The following CALN1 variants were observed in gnomAD, a reference collection of about 807,000 sequenced individuals.
CALN1 encodes calcium-binding protein 8.
In CALN1, 17 loss-of-function variants were observed where a neutral mutation model predicts 30.6. That is an observed-to-expected ratio of 0.56 (90% CI 0.38 to 0.83). The LOEUF (loss-of-function observed/expected upper bound fraction) is 0.83, where lower values mean the gene tolerates loss of function less well. Ranked by LOEUF, CALN1 falls within the 40% of genes least tolerant of loss-of-function variation. CALN1 has a pLI of 0.00. For missense variants in CALN1, 291 were observed against 354.9 expected, an observed-to-expected ratio of 0.82 and a Z score of 1.45; for synonymous variants, 156 against 131.4, an observed-to-expected ratio of 1.19 and a Z score of -1.28.
the CALN1 span, among the ~76,000 whole-genome samples, chr7:72,501,928 A>AAAAAT: frequency 2.6e-3 from 152 of 57,930 alleles, 5 homozygotes; most frequent in African/African-American, 8.6e-3. Context: ...AAAAAAAAAA[A>AAAAAT]ATATATATAT....
At chr7:72,168,233 C>CA (rs61366296) in intron 3 of CALN1, among the ~76,000 whole-genome samples, 82 of 140,752 alleles carry the variant, frequency 5.8e-4, no homozygotes, top group Admixed American at 7.7e-4. Flanking sequence ...TGCAAACAAG[C>CA]AAAAAAAAAA....
rs544395395 is a variant in CALN1 at position 72,278,306 on chromosome 7, A to C, written c.244+380T>G. ...TTAACAGGGCTTAAACCTCCCCTGC[A>C]GATGGACTCCATTGTCAGTGACAAC... On this transcript the variant is annotated intron_variant, in intron 3 of 6. Coordinates refer to ENST00000395275, the MANE Select transcript of CALN1 (RefSeq NM_031468.4). 7.2e-5 allele frequency among the ~76,000 whole-genome samples: 11 copies of C among 152,310 alleles called. No individual in the cohort carries two copies. The South Asian group carries it at 2.3e-3, about 32-fold the overall frequency.
At chr7:72,219,346 C>G (rs181409365) in intron 3 of CALN1, among the ~76,000 whole-genome samples, 2 of 152,270 alleles carry the variant, frequency 1.3e-5, no homozygotes, top group Admixed American at 1.3e-4. Context: ...CAACTTCAGC[C>G]TAATGAGCAG....
chr7:72,093,626 G>A (rs10950295), intron 4 of CALN1, among the ~76,000 whole-genome samples: 1 of 152,060 alleles, frequency 6.6e-6, no homozygotes, highest in African/African-American at 2.4e-5. Flanking sequence ...TGGTAACGAT[G>A]ATGACTACCA....
chr7:72,142,689 C>T (rs887761518), intron 3 of CALN1, among the ~76,000 whole-genome samples: 12 of 152,180 alleles, frequency 7.9e-5, no homozygotes, highest in African/African-American at 2.9e-4. Context: ...CAAGTGGGTC[C>T]TTGACCCCCG....
At chr7:72,460,412 A>C in the CALN1 span, among the ~76,000 whole-genome samples, 3 of 152,170 alleles carry the variant, frequency 2.0e-5, no homozygotes, top group South Asian at 4.2e-4. Context: ...TGGGTGGATA[A>C]CCTGAGGTCA....
At chr7:71,968,448 C>T (rs4719198) in intron 5 of CALN1, among the ~76,000 whole-genome samples, 32,318 of 151,860 alleles carry the variant, frequency 0.21, 5,303 homozygotes, top group African/African-American at 0.44. Flanking sequence ...CTTTTATTTT[C>T]GAGATGAAGT....
Position 72,298,832 on chromosome 7 carries a change from C to A in CALN1, c.120-20022G>T, listed in dbSNP as rs530530062. Among the ~76,000 whole-genome samples the A allele has an allele frequency of 5.3e-5, 8 of 150,194 alleles. No homozygotes were observed. In the Admixed American group the frequency reaches 5.3e-4, roughly 10 times the overall value. ...AAAAAAAAAAAAGAGGGGAGGGGTG[C>A]GGAGTTTCCCTGCACAAACTCTGCT... On this transcript the variant is annotated intron_variant, in intron 2 of 6. Transcript: ENST00000395275.
intron 2 of CALN1, among the ~76,000 whole-genome samples, chr7:72,343,301 T>C (rs1802467869): frequency 6.6e-6 from 1 of 152,138 alleles, no homozygotes; most frequent in South Asian, 2.1e-4. Context: ...CTCACGCCTG[T>C]AATCCCAGGC....
intron 3 of CALN1, among the ~76,000 whole-genome samples, chr7:72,202,461 C>T (rs1331257483): frequency 6.6e-6 from 1 of 152,160 alleles, no homozygotes; most frequent in Non-Finnish European, 1.5e-5. Flanking sequence ...GAGATCCTCA[C>T]ATAGACATAT....
At chr7:72,467,476 G>A in the CALN1 span, among the ~76,000 whole-genome samples, 9 of 152,108 alleles carry the variant, frequency 5.9e-5, no homozygotes, top group African/African-American at 9.7e-5. Flanking sequence ...AGGAGGAGCC[G>A]GAGAGAGCCT....
intron 2 of CALN1, among the ~76,000 whole-genome samples, chr7:72,376,804 A>C (rs759415312): frequency 6.6e-6 from 1 of 152,188 alleles, no homozygotes; most frequent in Non-Finnish European, 1.5e-5. Flanking sequence ...TGAGATTTAC[A>C]CCTGTTTCCC....
intron 5 of CALN1, among the ~76,000 whole-genome samples, chr7:72,018,565 C>G (rs112834177): frequency 0.035 from 5,319 of 152,286 alleles, 298 homozygotes; most frequent in African/African-American, 0.12. Context: ...AAGAGTCTCA[C>G]ACCCAGAGGG....
intron 2 of CALN1, among the ~76,000 whole-genome samples, chr7:72,340,363 G>A (rs1163893137): frequency 6.6e-6 from 1 of 151,102 alleles, no homozygotes; most frequent in African/African-American, 2.4e-5. Flanking sequence ...CCCAATGTGA[G>A]CCCATGTGGG....
chr7:72,248,696 T>C (rs1409522290), intron 3 of CALN1, among the ~76,000 whole-genome samples: 1 of 152,120 alleles, frequency 6.6e-6, no homozygotes, highest in Non-Finnish European at 1.5e-5. Flanking sequence ...TTTTGCCATA[T>C]AAAGTAACAT....
At chr7:71,834,789 G>A (rs1789512197) in intron 5 of CALN1, among the ~76,000 whole-genome samples, 1 of 152,078 alleles carries the variant, frequency 6.6e-6, no homozygotes, top group South Asian at 2.1e-4. Flanking sequence ...TAGTCACTGG[G>A]GCACATATAT....
chr7:72,376,893 A>AT (rs1804592883), intron 2 of CALN1, among the ~76,000 whole-genome samples: 1 of 152,092 alleles, frequency 6.6e-6, no homozygotes, highest in Non-Finnish European at 1.5e-5. Flanking sequence ...AACTTTCTGT[A>AT]TTTTTGCATG....
intron 5 of CALN1, among the ~76,000 whole-genome samples, chr7:71,866,473 G>T (rs1016143341): frequency 1.3e-5 from 2 of 152,098 alleles, no homozygotes; most frequent in African/African-American, 4.8e-5. Context: ...ACATGGAACT[G>T]TAAAGTAAGT....
At chr7:72,029,181 C>A (rs1175993461) in intron 4 of CALN1, among the ~76,000 whole-genome samples, 2 of 151,764 alleles carry the variant, frequency 1.3e-5, no homozygotes, top group Non-Finnish European at 2.9e-5. Flanking sequence ...GGCTGGAGTG[C>A]AGTGGCACGA....
Sources: gnomAD v4.1 joint callset for allele counts (sites outside exome capture counted in the v4.1 genomes callset) on GRCh38, gnomAD v4.1.1 for gene constraint, MANE v1.5 for transcripts, NCBI Gene and HGNC (gene_info 2026-07-23, HGNC 2026-07-21) for gene names.